ANO10: variants seen among roughly 807,000 people sequenced by gnomAD.
ANO10 encodes the protein anoctamin-10.
In ANO10, 77 loss-of-function variants were observed where a neutral mutation model predicts 74.7. That is an observed-to-expected ratio of 1.03 (90% CI 0.86 to 1.25). The LOEUF (loss-of-function observed/expected upper bound fraction) is 1.25. Among genes scored for constraint, ANO10 ranks in the 50% most tolerant of loss-of-function variants. The pLI is 0.00. For synonymous variants in ANO10, 279 were observed against 284.9 expected, an observed-to-expected ratio of 0.98 and a Z score of 0.21; for missense variants, 721 against 778.1, an observed-to-expected ratio of 0.93 and a Z score of 0.87.
At chr3:43,459,817 T>C (rs1191645177) in intron 11 of ANO10, among the ~76,000 whole-genome samples, 2 of 152,194 alleles carry the variant, frequency 1.3e-5, no homozygotes, top group African/African-American at 4.8e-5. Context: ...TCCACCATCA[T>C]GGTGGAACTA....
intron 4 of ANO10, among the ~76,000 whole-genome samples, chr3:43,590,403 A>G (rs1290295685): frequency 1.3e-5 from 2 of 152,224 alleles, no homozygotes; most frequent in African/African-American, 4.8e-5. Context: ...AGAGTAAGTT[A>G]GGAAGGAAGT....
At position 43,366,979 on chromosome 3, in the gene ANO10, T is replaced by C; in HGVS notation, c.1915-5A>G. 6.3e-7 allele frequency: 1 copy of C among 1,596,086 alleles called. No homozygotes were observed. The highest frequency in any genetic ancestry group is 8.5e-7 in the Non-Finnish European group (1 of 1,170,866). On this transcript the variant is annotated splice_region_variant and splice_polypyrimidine_tract_variant and intron_variant, in intron 12 of 12. Transcript: ENST00000292246. Reference sequence around the variant, plus strand: ...CTCGGTCACGAGCTTCATTTGCTGTTAAGAGAAAACAGGACACCAGGTGAG... The same window carrying C: ...CTCGGTCACGAGCTTCATTTGCTGTCAAGAGAAAACAGGACACCAGGTGAG...
intron 1 of ANO10, among the ~76,000 whole-genome samples, chr3:43,650,541 T>C (rs1248408241): frequency 2.0e-5 from 3 of 152,130 alleles, no homozygotes; most frequent in Admixed American, 6.5e-5. Flanking sequence ...CAGAAAAAGA[T>C]GCAATCAGCA....
chr3:43,539,952 T>C (rs2078884159), intron 11 of ANO10, among the ~76,000 whole-genome samples: 1 of 152,216 alleles, frequency 6.6e-6, no homozygotes, highest in East Asian at 1.9e-4. Context: ...CTTAAAAAAT[T>C]GCAATGTAAT....
chr3:43,649,022 A>T (rs2083758064), intron 1 of ANO10, among the ~76,000 whole-genome samples: 1 of 152,114 alleles, frequency 6.6e-6, no homozygotes, highest in African/African-American at 2.4e-5. Flanking sequence ...CAAGGTCTTT[A>T]TGACCTCTAT....
At chr3:43,428,123 C>T (rs1575763828) in intron 12 of ANO10, among the ~76,000 whole-genome samples, 1 of 151,906 alleles carries the variant, frequency 6.6e-6, no homozygotes, top group Non-Finnish European at 1.5e-5. Context: ...GATCTTGGCT[C>T]ACTGCAACCT....
chr3:43,625,058 A>C (rs772812472), upstream of ANO10, among the ~76,000 whole-genome samples: 1 of 152,206 alleles, frequency 6.6e-6, no homozygotes, highest in Non-Finnish European at 1.5e-5. Context: ...TCTGGCTTCC[A>C]AGAGTCCCTT....
intron 12 of ANO10, among the ~76,000 whole-genome samples, chr3:43,429,826 T>A (rs139915643): frequency 5.3e-4 from 81 of 152,334 alleles, no homozygotes; most frequent in African/African-American, 1.8e-3. Flanking sequence ...GGAATTTAGT[T>A]ATCTCCAGAT....
chr3:43,400,557 T>G (rs1015083612), intron 12 of ANO10, among the ~76,000 whole-genome samples: 2 of 152,108 alleles, frequency 1.3e-5, no homozygotes, highest in Non-Finnish European at 2.9e-5. Context: ...GAGAATTGCT[T>G]GAGCCCAGGA....
chr3:43,393,568 T>G (rs2092319144), intron 12 of ANO10, among the ~76,000 whole-genome samples: 2 of 152,176 alleles, frequency 1.3e-5, no homozygotes, highest in South Asian at 4.1e-4. Context: ...GCAACAGCCC[T>G]GTGTGCAAGG....
chr3:43,539,553 G>C (rs886884214), intron 11 of ANO10, among the ~76,000 whole-genome samples: 1 of 152,160 alleles, frequency 6.6e-6, no homozygotes, highest in Non-Finnish European at 1.5e-5. Flanking sequence ...GCACAGGCTG[G>C]GGTGCAGTAG....
chr3:43,551,813 C>T (rs542414860), intron 10 of ANO10, among the ~76,000 whole-genome samples: 2 of 152,238 alleles, frequency 1.3e-5, no homozygotes, highest in Admixed American at 6.5e-5. Context: ...TTTAAACCTA[C>T]CTAAATCATA....
intron 4 of ANO10, among the ~76,000 whole-genome samples, chr3:43,588,891 G>A (rs994701824): frequency 1.3e-5 from 2 of 152,028 alleles, no homozygotes; most frequent in African/African-American, 4.8e-5. Flanking sequence ...AGAACAAATT[G>A]GCAGGAACAT....
At chr3:43,640,831 T>C (rs991427261) in intron 1 of ANO10, among the ~76,000 whole-genome samples, 7 of 152,262 alleles carry the variant, frequency 4.6e-5, no homozygotes, top group South Asian at 2.1e-4. Context: ...CTAATACTTT[T>C]GATAGATTGT....
intron 12 of ANO10, among the ~76,000 whole-genome samples, chr3:43,402,098 T>C (rs1218631482): frequency 1.3e-5 from 2 of 152,242 alleles, no homozygotes; most frequent in East Asian, 1.9e-4. Context: ...AGCTGGCCTC[T>C]GGCATGCCTG....
At chr3:43,566,530 T>TGACCCCC (rs2080356505) in intron 7 of ANO10, among the ~76,000 whole-genome samples, 3 of 152,040 alleles carry the variant, frequency 2.0e-5, no homozygotes. Flanking sequence ...CCCTGACCCC[T>TGACCCCC]GACCCCCGAG....
intron 11 of ANO10, among the ~76,000 whole-genome samples, chr3:43,445,613 C>T (rs966246182): frequency 4.1e-4 from 63 of 152,280 alleles, no homozygotes; most frequent in African/African-American, 1.4e-3. Context: ...GGGTGAATAT[C>T]CTGAAAATGA....
chr3:43,618,482 T>C (rs1334723200), intron 1 of ANO10, among the ~76,000 whole-genome samples: 1 of 152,200 alleles, frequency 6.6e-6, no homozygotes, highest in Non-Finnish European at 1.5e-5. Context: ...AGAAATATAC[T>C]GTGGCATCTC....
At chr3:43,385,306 T>A in intron 12 of ANO10, among the ~76,000 whole-genome samples, 1 of 152,188 alleles carries the variant, frequency 6.6e-6, no homozygotes, top group East Asian at 1.9e-4. Context: ...TTTTACACTG[T>A]TGGTGGGAAT....
Sources: gnomAD v4.1 joint callset for allele counts (sites outside exome capture counted in the v4.1 genomes callset) on GRCh38, gnomAD v4.1.1 for gene constraint, MANE v1.5 for transcripts, NCBI Gene and HGNC (gene_info 2026-07-23, HGNC 2026-07-21) for gene names.